The following WWOX variants were observed in gnomAD, a reference collection of about 807,000 sequenced individuals.
The protein encoded by WWOX is WW domain containing oxidoreductase.
A neutral mutation model predicts 46.2 loss-of-function variants in WWOX; 69 were observed. That is an observed-to-expected ratio of 1.49 (90% CI 1.23 to 1.82). The LOEUF (loss-of-function observed/expected upper bound fraction) is 1.82. Among genes scored for constraint, WWOX ranks in the 40% most tolerant of loss-of-function variants. WWOX has a pLI of 0.00. For missense variants in WWOX, 919 were observed against 542.6 expected, an observed-to-expected ratio of 1.69 and a Z score of -6.89; for synonymous variants, 359 against 202.6, an observed-to-expected ratio of 1.77 and a Z score of -6.56.
At chr16:78,336,756 C>G (rs1187431970) in intron 5 of WWOX, among the ~76,000 whole-genome samples, 3 of 151,992 alleles carry the variant, frequency 2.0e-5, no homozygotes, top group Admixed American at 6.6e-5. Flanking sequence ...AATGGTATTT[C>G]CTGAGTTTTT....
At chr16:78,753,332 AAAG>A (rs2049535706) in intron 8 of WWOX, among the ~76,000 whole-genome samples, 1 of 151,966 alleles carries the variant, frequency 6.6e-6, no homozygotes, top group African/African-American at 2.4e-5. Context: ...AAAAAAGAAA[AAAG>A]AAAGAAAGAA....
At chr16:78,468,904 C>T (rs928666655) in intron 8 of WWOX, among the ~76,000 whole-genome samples, 16 of 152,170 alleles carry the variant, frequency 1.1e-4, no homozygotes, top group African/African-American at 3.6e-4. Flanking sequence ...CCCTTTGTAA[C>T]CTGTAACCCC....
At chr16:78,782,691 T>C (rs2050360322) in intron 8 of WWOX, among the ~76,000 whole-genome samples, 1 of 151,360 alleles carries the variant, frequency 6.6e-6, no homozygotes, top group African/African-American at 2.4e-5. Flanking sequence ...TTTGCATTTT[T>C]CCAATTGTGA....
intron 8 of WWOX, among the ~76,000 whole-genome samples, chr16:78,486,936 G>C (rs1272618582): frequency 6.6e-6 from 1 of 152,156 alleles, no homozygotes; most frequent in Non-Finnish European, 1.5e-5. Context: ...TCCTAATGCA[G>C]GCTCATTCCT....
intron 8 of WWOX, among the ~76,000 whole-genome samples, chr16:78,802,943 C>CAAAAAAAAAA (rs1044478788): frequency 2.4e-5 from 1 of 40,842 alleles, no homozygotes; most frequent in Non-Finnish European, 4.5e-5. Context: ...AAAAAAAAAA[C>CAAAAAAAAAA]AACAAACAGA....
intron 5 of WWOX, among the ~76,000 whole-genome samples, chr16:78,351,173 C>G (rs1230318697): frequency 2.0e-5 from 3 of 152,142 alleles, no homozygotes; most frequent in Admixed American, 6.5e-5. Context: ...AGGCACATAC[C>G]AAGAGCTTAC....
intron 8 of WWOX, among the ~76,000 whole-genome samples, chr16:78,999,102 C>T (rs981594452): frequency 1.3e-5 from 2 of 151,330 alleles, no homozygotes; most frequent in Non-Finnish European, 2.9e-5. Context: ...AACACAACTG[C>T]AGAGCCAGCT....
chr16:79,001,403 C>T (rs1446398820), intron 8 of WWOX, among the ~76,000 whole-genome samples: 1 of 152,100 alleles, frequency 6.6e-6, no homozygotes, highest in Non-Finnish European at 1.5e-5. Flanking sequence ...TGTAGCAAAA[C>T]CCAGCATGTA....
In WWOX at chr16:79,011,365, C is replaced by T. The variant is rs183460646; in HGVS notation, c.1057-200243C>T. On this transcript the variant is annotated intron_variant, in intron 8 of 8. Coordinates refer to ENST00000566780, the MANE Select transcript of WWOX (RefSeq NM_016373.4). ...AAATTTTCATGTCTCCAATCCTGCC[C>T]CCTTTGGAACTTCTGTTGGTGTTCG... Among the ~76,000 whole-genome samples, 767 of 151,894 alleles carry T rather than the reference C, an allele frequency of 5.0e-3. 4 individuals carry two copies. The highest frequency in any genetic ancestry group is 8.2e-3 in the Non-Finnish European group (557 of 67,962).
chr16:78,538,391 T>G (rs1156814875), intron 8 of WWOX, among the ~76,000 whole-genome samples: 3 of 152,086 alleles, frequency 2.0e-5, no homozygotes, highest in African/African-American at 7.2e-5. Context: ...TCCCCATGAG[T>G]CTTAAACCTC....
intron 8 of WWOX, among the ~76,000 whole-genome samples, chr16:79,126,496 T>G (rs1199651984): frequency 6.6e-6 from 1 of 152,166 alleles, no homozygotes; most frequent in Non-Finnish European, 1.5e-5. Flanking sequence ...GTTCGTTCTG[T>G]GTTCATTCTC....
intron 8 of WWOX, among the ~76,000 whole-genome samples, chr16:79,055,718 T>A (rs1444150358): frequency 6.6e-6 from 1 of 152,210 alleles, no homozygotes; most frequent in Non-Finnish European, 1.5e-5. Flanking sequence ...TTATGAATAG[T>A]GAATTTAATT....
At chr16:78,733,605 AT>A (rs1252742875) in intron 8 of WWOX, among the ~76,000 whole-genome samples, 3 of 151,300 alleles carry the variant, frequency 2.0e-5, no homozygotes, top group African/African-American at 7.3e-5. Context: ...AAAAAAAAAA[AT>A]TAGCCGGGTA....
intron 8 of WWOX, among the ~76,000 whole-genome samples, chr16:78,786,528 GTTT>G (rs1247222198): frequency 6.6e-6 from 1 of 152,046 alleles, no homozygotes; most frequent in Non-Finnish European, 1.5e-5. Context: ...CTTATATAAT[GTTT>G]TTCTTTTAAT....
At chr16:78,999,614 C>G (rs1379536515) in intron 8 of WWOX, among the ~76,000 whole-genome samples, 2 of 152,120 alleles carry the variant, frequency 1.3e-5, no homozygotes, top group East Asian at 1.9e-4. Context: ...TTTAGGAATA[C>G]TTTAATTATT....
At chr16:79,095,113 G>A (rs9933420) in intron 8 of WWOX, among the ~76,000 whole-genome samples, 7 of 152,000 alleles carry the variant, frequency 4.6e-5, no homozygotes, top group African/African-American at 7.3e-5. Flanking sequence ...TGCAAAGGAG[G>A]CTTCTCTAAA....
chr16:78,974,599 T>C (rs1168356179), intron 8 of WWOX, among the ~76,000 whole-genome samples: 3 of 152,260 alleles, frequency 2.0e-5, no homozygotes, highest in Non-Finnish European at 2.9e-5. Flanking sequence ...TTTTGTTTTT[T>C]ATTTAGCACA....
chr16:79,026,155 T>C (rs1277182210), intron 8 of WWOX, among the ~76,000 whole-genome samples: 1 of 151,700 alleles, frequency 6.6e-6, no homozygotes, highest in Non-Finnish European at 1.5e-5. Context: ...CACTCGCTTC[T>C]TTAAGTTTCC....
At chr16:78,773,020 C>T (rs1031582903) in intron 8 of WWOX, among the ~76,000 whole-genome samples, 1 of 152,074 alleles carries the variant, frequency 6.6e-6, no homozygotes, top group Non-Finnish European at 1.5e-5. Flanking sequence ...GTCTGTTTTG[C>T]AGACCTTGTC....
Sources: gnomAD v4.1 joint callset for allele counts (sites outside exome capture counted in the v4.1 genomes callset) on GRCh38, gnomAD v4.1.1 for gene constraint, MANE v1.5 for transcripts, NCBI Gene and HGNC (gene_info 2026-07-23, HGNC 2026-07-21) for gene names.